Variants in BCAS1 observed in about 807,000 individuals in gnomAD.
BCAS1 encodes brain enriched myelin associated protein 1.
In BCAS1, 46 loss-of-function variants were observed where a neutral mutation model predicts 65.4. The observed-to-expected ratio is 0.70, with a 90% CI of 0.55 to 0.90. BCAS1 has a LOEUF of 0.90. BCAS1 is among the 40% of genes least tolerant of loss of function. The pLI, the probability that BCAS1 is intolerant of heterozygous loss-of-function variation, is 0.00. For synonymous variants in BCAS1, 298 were observed against 293.5 expected, an observed-to-expected ratio of 1.02 and a Z score of -0.16; for missense variants, 793 against 771.2, an observed-to-expected ratio of 1.03 and a Z score of -0.33.
chr20:54,053,253 A>G (rs1045304940), intron 3 of BCAS1, among the ~76,000 whole-genome samples: 1 of 152,254 alleles, frequency 6.6e-6, no homozygotes, highest in Non-Finnish European at 1.5e-5. Flanking sequence ...ATGAATAATA[A>G]TACCAAACTT....
At chr20:54,012,407 G>C (rs1293387971) in intron 4 of BCAS1, among the ~76,000 whole-genome samples, 2 of 150,986 alleles carry the variant, frequency 1.3e-5, no homozygotes, top group South Asian at 4.2e-4. Context: ...TGGATAAAGG[G>C]ATAACTGTTG....
intron 7 of BCAS1, among the ~76,000 whole-genome samples, chr20:53,989,428 C>T (rs986168484): frequency 6.6e-6 from 1 of 152,056 alleles, no homozygotes; most frequent in African/African-American, 2.4e-5. Context: ...ATCCTAAGAC[C>T]AAGAAAGTCT....
intron 11 of BCAS1, among the ~76,000 whole-genome samples, chr20:53,955,907 T>C (rs1217762306): frequency 6.6e-6 from 1 of 152,222 alleles, no homozygotes; most frequent in Non-Finnish European, 1.5e-5. Flanking sequence ...ATATTTAAGC[T>C]TGTCTTAAAA....
chr20:54,010,333 A>G (rs961007618), intron 4 of BCAS1, among the ~76,000 whole-genome samples: 3 of 152,184 alleles, frequency 2.0e-5, no homozygotes, highest in East Asian at 3.8e-4. Context: ...CATTATTTTC[A>G]AAATTAGAAA....
intron 4 of BCAS1, among the ~76,000 whole-genome samples, chr20:54,025,966 A>G (rs1394257895): frequency 1.3e-5 from 2 of 152,208 alleles, no homozygotes; most frequent in Admixed American, 6.5e-5. Flanking sequence ...CTGAATATCC[A>G]TAAGTTCACA....
At chr20:54,025,266 TTG>T (rs1555873990) in intron 4 of BCAS1, among the ~76,000 whole-genome samples, 1 of 151,896 alleles carries the variant, frequency 6.6e-6, no homozygotes, top group African/African-American at 2.4e-5. Flanking sequence ...TTATGTGATT[TTG>T]TGTGTGTGTG....
At chr20:53,958,826 C>T (rs775740076) in intron 10 of BCAS1, among the ~76,000 whole-genome samples, 1 of 152,146 alleles carries the variant, frequency 6.6e-6, no homozygotes, top group African/African-American at 2.4e-5. Context: ...CACCATGGAA[C>T]TAGCAGGTTT....
At chr20:54,061,157 C>G (rs1336036542) in intron 1 of BCAS1, among the ~76,000 whole-genome samples, 3 of 152,120 alleles carry the variant, frequency 2.0e-5, no homozygotes, top group Non-Finnish European at 2.9e-5. Context: ...TATGAGGTAG[C>G]CGAAACTCGA....
intron 12 of BCAS1, among the ~76,000 whole-genome samples, chr20:53,950,638 T>G (rs2089490657): frequency 6.6e-6 from 1 of 152,272 alleles, no homozygotes; most frequent in Non-Finnish European, 1.5e-5. Flanking sequence ...CTACTAATAC[T>G]TTTTAGCTGC....
At position 53,967,020 on chromosome 20, in the gene BCAS1, G is replaced by A; in HGVS notation, c.1371C>T (p.Ala457=). ...EIIKSKEVES[A]LQTVDLNEGD... ...CTTCGTTGAGGTCCACTGTTTGTAA[G>A]GCTGATTCTACTTCCTTGGACTTTA... Residue 457 remains alanine (A), a synonymous_variant, in exon 10 of 13, where the codon GCC becomes GCT. Coordinates refer to ENST00000688948, the MANE Select transcript of BCAS1 (RefSeq NM_001366298.2). 6.2e-7 allele frequency: 1 copy of A among 1,613,064 alleles called. No homozygotes were observed. Among genetic ancestry groups the A allele is most frequent in the Non-Finnish European group, 8.5e-7 (1 of 1,179,538 alleles).
At chr20:54,002,782 T>C (rs1478690975) in intron 4 of BCAS1, among the ~76,000 whole-genome samples, 2 of 152,178 alleles carry the variant, frequency 1.3e-5, no homozygotes, top group Non-Finnish European at 2.9e-5. Flanking sequence ...CTCTCTTTCT[T>C]TCCCATAGAC....
chr20:54,047,614 T>C (rs1389310785), intron 3 of BCAS1, among the ~76,000 whole-genome samples: 2 of 152,160 alleles, frequency 1.3e-5, no homozygotes, highest in Non-Finnish European at 2.9e-5. Context: ...CTGTTATTAC[T>C]TTAGACTCAG....
rs769884367 is a variant in BCAS1, at chr20:54,028,730, G to A, written c.385C>T (p.Pro129Ser). 8.1e-6 allele frequency: 13 copies of A among 1,614,046 alleles called. No homozygotes were observed. In the African/African-American group the frequency reaches 1.7e-4, roughly 22 times the overall value. ...CTCTCACTTGGGTCTTTGTTCGCTG[G>A]AGCTTTATTGGAGCTGACATCAAGC... ...VKLDVSSNKAPANKDPSESWT... is the reference protein window; with the variant it reads ...VKLDVSSNKASANKDPSESWT... The change falls in exon 4 of 13, where the codon CCA becomes TCA. Residue 129 changes from proline (P) to serine (S), a missense_variant. Pro to Ser is a moderately conservative substitution (Grantham distance 74). Transcript: ENST00000688948.
chr20:53,968,722 G>A (rs974232455), intron 9 of BCAS1, among the ~76,000 whole-genome samples: 1 of 152,250 alleles, frequency 6.6e-6, no homozygotes, highest in African/African-American at 2.4e-5. Context: ...GCAAGGCAGA[G>A]AATATCAGCA....
intron 3 of BCAS1, among the ~76,000 whole-genome samples, chr20:54,033,839 T>C (rs1159863852): frequency 6.6e-6 from 1 of 151,058 alleles, no homozygotes; most frequent in African/African-American, 2.4e-5. Context: ...CTGGCAGATA[T>C]ACAACAAGAA....
intron 4 of BCAS1, among the ~76,000 whole-genome samples, chr20:54,017,357 A>G (rs1235539121): frequency 6.7e-6 from 1 of 149,284 alleles, no homozygotes; most frequent in African/African-American, 2.5e-5. Flanking sequence ...GAGTTGGCAC[A>G]CTCTTAAGTA....
At chr20:54,063,264 C>T (rs1457965866) in intron 1 of BCAS1, among the ~76,000 whole-genome samples, 3 of 152,176 alleles carry the variant, frequency 2.0e-5, no homozygotes, top group Admixed American at 6.5e-5. Flanking sequence ...GCCTCAGTTT[C>T]CTCATCTGTA....
chr20:54,066,058 T>C (rs551476940), intron 1 of BCAS1, among the ~76,000 whole-genome samples: 94 of 152,058 alleles, frequency 6.2e-4, no homozygotes, highest in African/African-American at 2.3e-3. Flanking sequence ...CAGAACCCGA[T>C]GAGGCAGGTA....
At chr20:53,967,626 A>T (rs1390683098) in intron 9 of BCAS1, among the ~76,000 whole-genome samples, 1 of 152,232 alleles carries the variant, frequency 6.6e-6, no homozygotes, top group Non-Finnish European at 1.5e-5. Context: ...GTCATTTGCC[A>T]TTTCACTTAA....
Sources: allele counts gnomAD v4.1 joint callset (sites outside exome capture counted in the v4.1 genomes callset), GRCh38; gene constraint gnomAD v4.1.1; transcripts MANE v1.5; gene names NCBI Gene and HGNC (gene_info 2026-07-23, HGNC 2026-07-21).